Variants in NRG1 observed in about 807,000 individuals in gnomAD.
NRG1 encodes pro-neuregulin-1, membrane-bound isoform.
A neutral mutation model predicts 63.8 loss-of-function variants in NRG1; 18 were observed. That is an observed-to-expected ratio of 0.28 (90% CI 0.19 to 0.42). The LOEUF (loss-of-function observed/expected upper bound fraction) is 0.42, where lower values mean the gene tolerates loss of function less well. NRG1 is among the 10% of genes least tolerant of loss of function. The pLI, the probability that NRG1 is intolerant of heterozygous loss-of-function variation, is 1.00. For synonymous variants in NRG1, 302 were observed against 301.3 expected (o/e 1.00, Z -0.02); for missense variants, 762 against 814.7 (o/e 0.94, Z 0.79).
chr8:32,551,251 T>G (rs1032959698), intron 1 of NRG1, among the ~76,000 whole-genome samples: 1 of 152,218 alleles, frequency 6.6e-6, no homozygotes, highest in African/African-American at 2.4e-5. Context: ...ACACTTGCCG[T>G]GCCAGCCCAA....
chr8:32,683,268 G>A (rs112901872), intron 5 of NRG1, among the ~76,000 whole-genome samples: 7 of 152,276 alleles, frequency 4.6e-5, no homozygotes, highest in African/African-American at 9.6e-5. Flanking sequence ...GGCTTGTGTT[G>A]ATGTAAATTG....
At chr8:32,316,006 C>T (rs1000016867) in intron 1 of NRG1, among the ~76,000 whole-genome samples, 2 of 145,220 alleles carry the variant, frequency 1.4e-5, no homozygotes, top group Admixed American at 6.7e-5. Context: ...TGAAAGGAGA[C>T]GATTAACCTA....
chr8:32,339,491 C>A (rs1223955839), intron 1 of NRG1, among the ~76,000 whole-genome samples: 1 of 152,132 alleles, frequency 6.6e-6, no homozygotes, highest in African/African-American at 2.4e-5. Context: ...ATGTCATAGG[C>A]AAACATCCAG....
intron 1 of NRG1, among the ~76,000 whole-genome samples, chr8:31,781,500 CA>C: frequency 6.6e-6 from 1 of 152,254 alleles, no homozygotes; most frequent in African/African-American, 2.4e-5. Flanking sequence ...GACTCAAAAA[CA>C]TAAGACGTGT....
chr8:32,021,547 C>T (rs6468071), intron 1 of NRG1, among the ~76,000 whole-genome samples: 148,015 of 152,254 alleles, frequency 0.97, 72,084 homozygotes, highest in East Asian at 1. Context: ...TACCTCCACA[C>T]TGGGGATCAA....
At chr8:31,865,343 G>A (rs1450267046) in intron 1 of NRG1, among the ~76,000 whole-genome samples, 1 of 152,116 alleles carries the variant, frequency 6.6e-6, no homozygotes. Context: ...TGAGAGTGAA[G>A]CAGGTGCTTT....
upstream of NRG1, among the ~76,000 whole-genome samples, chr8:32,547,574 T>C (rs540655892): frequency 6.7e-6 from 1 of 149,786 alleles, no homozygotes; most frequent in African/African-American, 2.5e-5. Flanking sequence ...TGAAGATTTC[T>C]AACAGGCACT....
At chr8:31,730,528 A>G (rs1376927259) in intron 1 of NRG1, among the ~76,000 whole-genome samples, 1 of 152,172 alleles carries the variant, frequency 6.6e-6, no homozygotes, top group African/African-American at 2.4e-5. Context: ...GGAAAGATAG[A>G]TTGGGGAACA....
intron 1 of NRG1, among the ~76,000 whole-genome samples, chr8:32,578,819 C>G (rs1251543052): frequency 6.6e-6 from 1 of 152,136 alleles, no homozygotes; most frequent in Admixed American, 6.6e-5. Flanking sequence ...CAAGAAATAT[C>G]TTTCTTTAGA....
At chr8:31,917,301 A>G (rs1833482077) in intron 1 of NRG1, among the ~76,000 whole-genome samples, 1 of 148,248 alleles carries the variant, frequency 6.7e-6, no homozygotes, top group South Asian at 2.2e-4. Context: ...CCTGAATGGT[A>G]ATGCCTAGGT....
chr8:32,614,174 C>T (rs1225393415), intron 3 of NRG1, among the ~76,000 whole-genome samples: 1 of 152,028 alleles, frequency 6.6e-6, no homozygotes, highest in Non-Finnish European at 1.5e-5. Context: ...AATCCGATAG[C>T]TTTGACTTTC....
At chr8:31,828,054 T>A (rs745812865) in intron 1 of NRG1, among the ~76,000 whole-genome samples, 2 of 152,212 alleles carry the variant, frequency 1.3e-5, no homozygotes, top group Non-Finnish European at 2.9e-5. Context: ...CCTGCGAAGG[T>A]GCTTCTGCCA....
chr8:31,975,881 A>C (rs1180446432), intron 1 of NRG1, among the ~76,000 whole-genome samples: 1 of 152,210 alleles, frequency 6.6e-6, no homozygotes. Context: ...ATTCATATTT[A>C]AACTCAACAT....
chr8:32,575,970 T>G (rs989221512), intron 1 of NRG1, among the ~76,000 whole-genome samples: 2 of 152,192 alleles, frequency 1.3e-5, no homozygotes, highest in African/African-American at 4.8e-5. Flanking sequence ...TTAATATGTG[T>G]TTTATTTTTT....
chr8:32,364,660 A>G (rs1195469926), intron 1 of NRG1, among the ~76,000 whole-genome samples: 2 of 152,098 alleles, frequency 1.3e-5, no homozygotes, highest in African/African-American at 4.8e-5. Context: ...TTCTTTTCCT[A>G]TATGGGTTAT....
chr8:32,397,288 C>A (rs1812561328), intron 1 of NRG1, among the ~76,000 whole-genome samples: 1 of 152,030 alleles, frequency 6.6e-6, no homozygotes, highest in African/African-American at 2.4e-5. Context: ...ATCTGATTAA[C>A]TTTTAATCCT....
chr8:31,846,119 G>T (rs1040238757), intron 1 of NRG1, among the ~76,000 whole-genome samples: 1 of 152,192 alleles, frequency 6.6e-6, no homozygotes, highest in African/African-American at 2.4e-5. Flanking sequence ...TAAAATAACT[G>T]CTGATAAGAC....
chr8:32,254,698 G>A (rs1248232446), intron 1 of NRG1, among the ~76,000 whole-genome samples: 1 of 152,180 alleles, frequency 6.6e-6, no homozygotes, highest in Non-Finnish European at 1.5e-5. Flanking sequence ...AGTCTGCTTA[G>A]TCCAGAGCTG....
chr8:31,937,797 C>G (rs1310783102), intron 1 of NRG1, among the ~76,000 whole-genome samples: 1 of 152,064 alleles, frequency 6.6e-6, no homozygotes, highest in Non-Finnish European at 1.5e-5. Context: ...CAGCCATAAT[C>G]CCCCTGGGAA....
Sources: allele counts gnomAD v4.1 joint callset (sites outside exome capture counted in the v4.1 genomes callset), GRCh38; gene constraint gnomAD v4.1.1; transcripts MANE v1.5; gene names NCBI Gene and HGNC (gene_info 2026-07-23, HGNC 2026-07-21).